The following CCDC192 variants were observed in gnomAD, a reference collection of about 807,000 sequenced individuals.
The protein encoded by CCDC192 is coiled-coil domain-containing protein 192.
At chr5:127,741,630 G>C (rs1229122072) in intron 2 of CCDC192, among the ~76,000 whole-genome samples, 6 of 152,082 alleles carry the variant, frequency 3.9e-5, no homozygotes, top group African/African-American at 1.2e-4. Context: ...GGCTATTTTA[G>C]GTCACAGAAC....
chr5:127,884,260 G>C (rs530946219), intron 6 of CCDC192, among the ~76,000 whole-genome samples: 1 of 147,474 alleles, frequency 6.8e-6, no homozygotes, highest in African/African-American at 2.5e-5. Flanking sequence ...GAAGAATGGC[G>C]TGAACCCGGG....
chr5:127,727,485 A>G (rs1404442854), intron 2 of CCDC192, among the ~76,000 whole-genome samples: 2 of 152,114 alleles, frequency 1.3e-5, no homozygotes, highest in Non-Finnish European at 2.9e-5. Flanking sequence ...AAAAGAAAAA[A>G]AAAATCAAAA....
chr5:127,761,024 C>T (rs1469721062), intron 3 of CCDC192, among the ~76,000 whole-genome samples: 11 of 152,242 alleles, frequency 7.2e-5, no homozygotes, highest in Admixed American at 4.6e-4. Flanking sequence ...AGAAACACTC[C>T]GTTCTGAAAA....
intron 2 of CCDC192, among the ~76,000 whole-genome samples, chr5:127,713,827 TCAGA>T (rs1321548991): frequency 1.3e-5 from 2 of 152,230 alleles, no homozygotes; most frequent in East Asian, 3.8e-4. Flanking sequence ...ATCTATTACG[TCAGA>T]CATTTATAAT....
chr5:127,840,577 GGT>G (rs1348513086), intron 5 of CCDC192, among the ~76,000 whole-genome samples: 1 of 151,374 alleles, frequency 6.6e-6, no homozygotes, highest in Non-Finnish European at 1.5e-5. Flanking sequence ...CAAAAATGAA[GGT>G]GTGGTAAAAT....
At position 127,712,726 on chromosome 5, in the gene CCDC192, A is replaced by G. The variant is rs532059001; in HGVS notation, c.114+4966A>G. On this transcript the variant is annotated intron_variant, in intron 2 of 6. Coordinates refer to ENST00000514853, the MANE Select transcript of CCDC192 (RefSeq NM_001317938.2). The stretch of plus-strand genomic sequence containing the variant: ...ATAAGGCTTCTATGAATATTCATGC[A>G]TGAGTCTTTGTATAGACATATGCTT... Among the ~76,000 whole-genome samples the G allele has an allele frequency of 7.2e-5, 11 of 152,352 alleles. No homozygotes were observed. The East Asian group carries it at 2.1e-3, about 29-fold the overall frequency.
intron 2 of CCDC192, among the ~76,000 whole-genome samples, chr5:127,718,522 A>G (rs1580524401): frequency 6.6e-6 from 1 of 152,148 alleles, no homozygotes; most frequent in East Asian, 1.9e-4. Context: ...TTTATTCTCT[A>G]TGAGGGTGTT....
chr5:127,792,542 A>ATATATG (rs1756926167), intron 3 of CCDC192, among the ~76,000 whole-genome samples: 1 of 149,968 alleles, frequency 6.7e-6, no homozygotes, highest in African/African-American at 2.5e-5. Context: ...ATATATATAT[A>ATATATG]TATATGTATA....
intron 3 of CCDC192, among the ~76,000 whole-genome samples, chr5:127,758,583 C>T (rs754130177): frequency 6.6e-6 from 1 of 152,086 alleles, no homozygotes; most frequent in Non-Finnish European, 1.5e-5. Context: ...AATGATAAAC[C>T]ACTCAACATA....
chr5:127,911,167 A>C (rs1388076792), intron 6 of CCDC192, among the ~76,000 whole-genome samples: 1 of 152,210 alleles, frequency 6.6e-6, no homozygotes, highest in African/African-American at 2.4e-5. Context: ...GAGTCCCACA[A>C]TATGTGTATG....
chr5:127,703,581 T>TA (rs555555148), intron 1 of CCDC192, 74 bp downstream of exon 1: 125 of 391,692 alleles, frequency 3.2e-4, no homozygotes, highest in Middle Eastern at 1.3e-3. Context: ...ACTCAGTACT[T>TA]AAAAAAAAAT....
intron 6 of CCDC192, among the ~76,000 whole-genome samples, chr5:127,938,885 C>G (rs1754266854): frequency 6.6e-6 from 1 of 151,758 alleles, no homozygotes; most frequent in Non-Finnish European, 1.5e-5. Context: ...TGAGGAAGGC[C>G]TCCTGCCATA....
chr5:127,769,847 T>C (rs764751937), intron 3 of CCDC192, among the ~76,000 whole-genome samples: 3 of 152,166 alleles, frequency 2.0e-5, no homozygotes, highest in Non-Finnish European at 4.4e-5. Context: ...AGAAGAGTGG[T>C]TGGGAGAGGA....
intron 2 of CCDC192, among the ~76,000 whole-genome samples, chr5:127,741,360 G>C (rs79338233): frequency 0.014 from 2,070 of 152,238 alleles, 38 homozygotes; most frequent in African/African-American, 0.048. Flanking sequence ...AGCACACCCA[G>C]CCTGTAATTT....
chr5:127,921,785 A>T (rs1344071057), intron 6 of CCDC192, among the ~76,000 whole-genome samples: 4 of 152,166 alleles, frequency 2.6e-5, no homozygotes, highest in Non-Finnish European at 5.9e-5. Flanking sequence ...TTCTCTCTCC[A>T]TACTGGGTCA....
Position 127,788,105 on chromosome 5 carries a change from G to A in CCDC192, c.223-8998G>A, listed in dbSNP as rs548080781. Among the ~76,000 whole-genome samples the A allele has an allele frequency of 2.0e-4, 29 of 145,092 alleles. No homozygotes were observed. In the South Asian group the frequency reaches 2.8e-3, roughly 14 times the overall value. On this transcript the variant is annotated intron_variant, in intron 3 of 6. Coordinates refer to ENST00000514853, the MANE Select transcript of CCDC192 (RefSeq NM_001317938.2). ...TCAGAAAAAAAAAAAAAAAAAAAAGGGGGGGACTATTGAAGTCTCCAACTA... is the reference window on the plus strand; with the variant it reads ...TCAGAAAAAAAAAAAAAAAAAAAAGAGGGGGACTATTGAAGTCTCCAACTA...
intron 6 of CCDC192, among the ~76,000 whole-genome samples, chr5:127,918,099 C>T (rs1753579684): frequency 6.6e-6 from 1 of 151,890 alleles, no homozygotes; most frequent in Non-Finnish European, 1.5e-5. Context: ...CGCACCACTG[C>T]ATTCCAGTCT....
chr5:127,704,477 C>T (rs111658580), intron 1 of CCDC192, among the ~76,000 whole-genome samples: 10 of 152,266 alleles, frequency 6.6e-5, no homozygotes, highest in African/African-American at 1.4e-4. Flanking sequence ...CATGAGCCAC[C>T]GTGCCTGGCC....
At chr5:127,799,052 A>G (rs1187897704) in intron 5 of CCDC192, among the ~76,000 whole-genome samples, 1 of 152,156 alleles carries the variant, frequency 6.6e-6, no homozygotes, top group African/African-American at 2.4e-5. Context: ...CCTTTTGGTC[A>G]TCTTTTTCAT....
Sources: gnomAD v4.1 joint callset for allele counts (sites outside exome capture counted in the v4.1 genomes callset) on GRCh38, gnomAD v4.1.1 for gene constraint, MANE v1.5 for transcripts, NCBI Gene and HGNC (gene_info 2026-07-23, HGNC 2026-07-21) for gene names.